IQGAP2: variants seen among roughly 807,000 people sequenced by gnomAD.
IQGAP2 encodes the protein IQ motif containing GTPase activating protein 2.
A neutral mutation model predicts 201.3 loss-of-function variants in IQGAP2; 173 were observed. The observed-to-expected ratio is 0.86, with a 90% CI of 0.76 to 0.98. The LOEUF is 0.98. Among genes scored for constraint, IQGAP2 ranks in the 50% least tolerant of loss-of-function variants. The probability of loss-of-function intolerance (pLI) is 0.00; values close to 1 mark genes in which losing one functional copy is unlikely to be tolerated. For missense variants in IQGAP2, 1,687 were observed against 1,864.8 expected, an observed-to-expected ratio of 0.90 and a Z score of 1.76; for synonymous variants, 675 against 673.9, an observed-to-expected ratio of 1.00 and a Z score of -0.03.
At chr5:76,448,405 A>G (rs897529648) in intron 1 of IQGAP2, among the ~76,000 whole-genome samples, 23 of 152,040 alleles carry the variant, frequency 1.5e-4, no homozygotes, top group African/African-American at 5.6e-4. Context: ...GCCTTCTTTT[A>G]TTGCTGGATC....
intron 4 of IQGAP2, among the ~76,000 whole-genome samples, chr5:76,572,450 C>T (rs1745182216): frequency 1.3e-5 from 2 of 151,954 alleles, no homozygotes; most frequent in South Asian, 4.1e-4. Flanking sequence ...AGGCGTGAGC[C>T]ACTGCACCTG....
chr5:76,532,411 T>C (rs538770947), intron 2 of IQGAP2, among the ~76,000 whole-genome samples: 25 of 150,750 alleles, frequency 1.7e-4, no homozygotes, highest in Non-Finnish European at 3.1e-4. Flanking sequence ...ATTGCTTTTT[T>C]TTCCTACTTG....
intron 17 of IQGAP2, among the ~76,000 whole-genome samples, chr5:76,648,177 C>T (rs1161504741): frequency 1.3e-5 from 2 of 152,126 alleles, no homozygotes; most frequent in Admixed American, 1.3e-4. Flanking sequence ...GTAGCTGGAC[C>T]CCCTCCCAGC....
intron 2 of IQGAP2, among the ~76,000 whole-genome samples, chr5:76,555,880 A>C (rs189141634): frequency 1.8e-3 from 273 of 152,112 alleles, no homozygotes; most frequent in Non-Finnish European, 2.9e-3. Flanking sequence ...CACCTCTCAC[A>C]CTCATTTCCC....
intron 3 of IQGAP2, among the ~76,000 whole-genome samples, chr5:76,566,178 CA>C (rs1255474747): frequency 6.6e-6 from 1 of 152,002 alleles, no homozygotes; most frequent in African/African-American, 2.4e-5. Flanking sequence ...GCCAAGCAGA[CA>C]AGGGCCTGGT....
rs537743383 is a variant in IQGAP2 at position 76,619,382 on chromosome 5, G to A, written c.1522-8028G>A. ...GGGATTGCACACACAATTTTGAACA[G>A]AGGAATGACCATTGTGTTAGGCAGA... On this transcript the variant is annotated intron_variant, in intron 13 of 35. Coordinates refer to ENST00000274364, the MANE Select transcript of IQGAP2 (RefSeq NM_006633.5). Among the ~76,000 whole-genome samples, 4 of 152,250 alleles carry A rather than the reference G, an allele frequency of 2.6e-5. No individual in the cohort carries two copies. In the South Asian group the frequency reaches 8.3e-4, roughly 32 times the overall value.
chr5:76,693,190 G>A (rs910485741), intron 30 of IQGAP2, among the ~76,000 whole-genome samples, 165 bp from the exon 31 acceptor site: 4 of 152,332 alleles, frequency 2.6e-5, no homozygotes, highest in Admixed American at 2.0e-4. Context: ...AAACTTTCAG[G>A]AGCCTTATAG....
intron 2 of IQGAP2, among the ~76,000 whole-genome samples, chr5:76,546,810 A>G: frequency 6.6e-6 from 1 of 152,116 alleles, no homozygotes. Flanking sequence ...TGTGCCTCAA[A>G]CGTTTTCACT....
chr5:76,403,667 A>G lies in IQGAP2; in HGVS notation c.46+76A>G. The stretch of plus-strand genomic sequence containing the variant: ...CCCGAGGACGGCGTTGGAGAAGCCG[A>G]GGGAGCCGGTTGCGCGGCGCAGAGG... On this transcript the variant is annotated intron_variant, in intron 1 of 35. Coordinates refer to ENST00000274364, the MANE Select transcript of IQGAP2 (RefSeq NM_006633.5). This position sits in a 1 kb window ranked among gnomAD's most constrained non-coding sequence, Gnocchi z 4.8. 1 of 1,273,980 alleles carries G rather than the reference A, an allele frequency of 7.8e-7. No individual in the cohort carries two copies. The highest frequency in any genetic ancestry group is 1.5e-5 in the South Asian group (1 of 64,624). 78.9% of individuals were successfully genotyped at this position (1,273,980 alleles called of 1,614,324 possible). A position where few individuals can be genotyped will look rare whatever the true frequency, so the allele number is the denominator to read the frequency against.
At chr5:76,405,968 A>C (rs1750776282) in intron 1 of IQGAP2, among the ~76,000 whole-genome samples, 1 of 152,230 alleles carries the variant, frequency 6.6e-6, no homozygotes, top group Non-Finnish European at 1.5e-5. Context: ...CGTTCTGAGT[A>C]TAAGATGTTT....
rs138567368 is a variant in IQGAP2 at position 76,590,899 on chromosome 5, C to T, written c.819+313C>T. ...TCCAGGAGTTCAAAACGAGCCTGCG[C>T]GCTATAGTGAGACCCTGTCTCTAAG... On this transcript the variant is annotated intron_variant, in intron 8 of 35. Coordinates refer to ENST00000274364, the MANE Select transcript of IQGAP2 (RefSeq NM_006633.5). 2.6e-4 allele frequency among the ~76,000 whole-genome samples: 39 copies of T among 151,924 alleles called. No homozygotes were observed. In the East Asian group the frequency reaches 3.7e-3, roughly 14 times the overall value.
chr5:76,528,640 A>G (rs1200852188), intron 2 of IQGAP2, among the ~76,000 whole-genome samples: 1 of 152,212 alleles, frequency 6.6e-6, no homozygotes, highest in Non-Finnish European at 1.5e-5. Context: ...TCTAACCTCT[A>G]GGTAACAGAA....
chr5:76,435,487 A>G (rs190763128), intron 1 of IQGAP2, among the ~76,000 whole-genome samples: 10 of 152,246 alleles, frequency 6.6e-5, no homozygotes, highest in Non-Finnish European at 1.3e-4. Flanking sequence ...ATGTTTTGTC[A>G]AAGATCACTT....
intron 6 of IQGAP2, among the ~76,000 whole-genome samples, chr5:76,589,311 C>CAAAAAA (rs35291690): frequency 3.7e-5 from 4 of 106,794 alleles, no homozygotes; most frequent in African/African-American, 1.4e-4. Context: ...GACTCTGCCT[C>CAAAAAA]AAAAAAAAAA....
intron 21 of IQGAP2, among the ~76,000 whole-genome samples, chr5:76,664,682 CAA>C (rs1302065009): frequency 1.2e-5 from 1 of 81,114 alleles, no homozygotes; most frequent in Admixed American, 1.1e-4. Context: ...GACTCCATTT[CAA>C]AAAAAAAAAA....
chr5:76,497,890 C>G (rs1757074024), intron 2 of IQGAP2, among the ~76,000 whole-genome samples: 1 of 152,176 alleles, frequency 6.6e-6, no homozygotes, highest in Non-Finnish European at 1.5e-5. Flanking sequence ...CTGCTGTACA[C>G]AGGTGTACTG....
intron 23 of IQGAP2, among the ~76,000 whole-genome samples, chr5:76,670,493 G>A (rs3776773): frequency 0.17 from 25,288 of 152,094 alleles, 2,354 homozygotes; most frequent in South Asian, 0.35. Flanking sequence ...CAGCCTGGGC[G>A]ACAGAGCCAG....
At chr5:76,654,343 A>G in intron 19 of IQGAP2, 72 bp downstream of exon 19, 9 of 980,284 alleles carry the variant, frequency 9.2e-6, no homozygotes, top group Non-Finnish European at 1.4e-5. Context: ...GAAAGTTAGC[A>G]TTGAATGATT....
At chr5:76,481,197 A>G (rs1222677066) in intron 2 of IQGAP2, among the ~76,000 whole-genome samples, 2 of 152,108 alleles carry the variant, frequency 1.3e-5, no homozygotes, top group Non-Finnish European at 2.9e-5. Context: ...CTTATATGGG[A>G]ACTGACAATA....
Sources: allele counts gnomAD v4.1 joint callset (sites outside exome capture counted in the v4.1 genomes callset), GRCh38; gene constraint gnomAD v4.1.1; non-coding constraint Gnocchi (gnomAD v3.1); transcripts MANE v1.5; gene names NCBI Gene and HGNC (gene_info 2026-07-23, HGNC 2026-07-21).